Variants in MAPK14 observed in about 807,000 individuals in gnomAD.
MAPK14 encodes the protein mitogen-activated protein kinase 14.
MAPK14 carries 16 observed loss-of-function variants against 49.6 expected under a neutral mutation model. The ratio of observed to expected loss-of-function variants is 0.32; its 90% CI spans 0.22 to 0.49. The LOEUF is 0.49. Among genes scored for constraint, MAPK14 ranks in the 20% least tolerant of loss-of-function variants. The pLI is 0.99. For synonymous variants in MAPK14, 142 were observed against 158.0 expected (o/e 0.90, Z 0.76); for missense variants, 200 against 441.2 (o/e 0.45, Z 4.90).
At chr6:36,065,700 A>G (rs1764026944) in intron 3 of MAPK14, among the ~76,000 whole-genome samples, 1 of 152,120 alleles carries the variant, frequency 6.6e-6, no homozygotes. Context: ...TGGAAAAAGG[A>G]TGAAAGGTTT....
chr6:36,112,469 A>T (rs1765992153), downstream of MAPK14, among the ~76,000 whole-genome samples: 1 of 152,264 alleles, frequency 6.6e-6, no homozygotes. Flanking sequence ...AAGCATGTTC[A>T]TAATTTTAAA....
At chr6:36,088,034 C>T (rs1044354426) in intron 8 of MAPK14, among the ~76,000 whole-genome samples, 18 of 152,152 alleles carry the variant, frequency 1.2e-4, no homozygotes, top group African/African-American at 4.1e-4. Context: ...GGAAAGGATT[C>T]CCTATTTAAT....
chr6:36,084,913 AG>A (rs35206299), intron 8 of MAPK14, among the ~76,000 whole-genome samples: 18 of 150,094 alleles, frequency 1.2e-4, no homozygotes, highest in African/African-American at 4.2e-4. Context: ...AAAAATACTA[AG>A]GGCAGCCAGA....
intron 8 of MAPK14, among the ~76,000 whole-genome samples, chr6:36,095,737 T>A (rs41271265): frequency 0.019 from 2,902 of 152,284 alleles, 52 homozygotes; most frequent in Middle Eastern, 0.085. Flanking sequence ...TGTTGACAGA[T>A]GCATAAAATG....
In MAPK14 at chr6:36,098,999, G is replaced by C. The variant is rs138868159; in HGVS notation, c.762+2933G>C. Among the ~76,000 whole-genome samples, 1,017 of 152,278 alleles carry C rather than the reference G, an allele frequency of 6.7e-3. 8 individuals carry two copies. The highest frequency in any genetic ancestry group is 0.023 in the African/African-American group (963 of 41,536). On this transcript the variant is annotated intron_variant, in intron 9 of 11. Transcript: ENST00000229794. ...GCCTCTGTCTTTGGGCTTAGGGAGC[G>C]TAAAAGGCAGCGTGGAGCACATGGC...
At position 36,027,811 on chromosome 6, in the gene MAPK14, G is replaced by C; in HGVS notation, c.-347G>C. The C allele has an allele frequency of 2.5e-6, 1 of 400,822 alleles. No individual in the cohort carries two copies. Among genetic ancestry groups the C allele is most frequent in the East Asian group, 3.6e-5 (1 of 28,070 alleles). 24.8% of individuals were successfully genotyped at this position (400,822 alleles called of 1,614,324 possible). A position where few individuals can be genotyped will look rare whatever the true frequency, so the allele number is the denominator to read the frequency against. On this transcript the variant is annotated 5_prime_UTR_variant, in exon 1 of 12. Transcript: ENST00000229794. ...GCTGGCTCTTGGAACCGCGACCACT[G>C]GAGCCTTAGCGGGCGCAGCAGCTGG...
chr6:36,065,547 T>TGTGTGTGTGTG (rs1581777404), intron 3 of MAPK14, among the ~76,000 whole-genome samples: 4 of 145,426 alleles, frequency 2.8e-5, no homozygotes, highest in Admixed American at 7.0e-5. Context: ...TGTGTGTGTG[T>TGTGTGTGTGTG]TTGGTGGGAA....
intron 1 of MAPK14, among the ~76,000 whole-genome samples, chr6:36,047,410 A>G (rs979799593): frequency 1.3e-5 from 2 of 152,170 alleles, no homozygotes; most frequent in African/African-American, 4.8e-5. Context: ...GGGAAAGAGT[A>G]GCACAGGAAC....
chr6:36,052,576 C>CT (rs1204967095), intron 1 of MAPK14, 123 bp from the exon 2 acceptor site: 5 of 841,654 alleles, frequency 5.9e-6, no homozygotes, highest in Non-Finnish European at 8.5e-6. Context: ...TGCTTTTTAT[C>CT]TTTATGCTTT....
the MAPK14 span, among the ~76,000 whole-genome samples, chr6:36,120,476 A>G: frequency 6.6e-6 from 1 of 151,796 alleles, no homozygotes; most frequent in South Asian, 2.1e-4. Context: ...AATCTGAGAC[A>G]ATTCATCCAA....
chr6:36,073,314 G>T (rs1764382976), intron 4 of MAPK14, among the ~76,000 whole-genome samples: 1 of 152,150 alleles, frequency 6.6e-6, no homozygotes, highest in East Asian at 1.9e-4. Context: ...ATAATTTATT[G>T]ATGTAATCTA....
chr6:36,036,749 T>C (rs1460462429), intron 1 of MAPK14, among the ~76,000 whole-genome samples: 2 of 152,104 alleles, frequency 1.3e-5, no homozygotes, highest in African/African-American at 4.8e-5. Context: ...ATTTATTTAT[T>C]TATTTTTTCT....
Position 36,111,001 on chromosome 6 carries a change from G to T in MAPK14, c.*2554G>T, listed in dbSNP as rs1156886082. The stretch of plus-strand genomic sequence containing the variant: ...AATGAACGAAGTATTAAGCATTGGG[G>T]CCTGTCTTATCTACACTCGAGTGTA... On this transcript the variant is annotated 3_prime_UTR_variant, in exon 12 of 12. Coordinates refer to ENST00000229794, the MANE Select transcript of MAPK14 (RefSeq NM_139012.3). The T allele has an allele frequency of 6.6e-6, 1 of 152,160 alleles. No individual in the cohort carries two copies. Among genetic ancestry groups the T allele is most frequent in the Non-Finnish European group, 1.5e-5 (1 of 68,024 alleles). The allele number at this position is 152,160 out of a possible 1,614,324, so 9.4% of individuals were successfully genotyped here.
At chr6:36,091,978 C>T (rs1407388077) in intron 8 of MAPK14, 11 of 330,222 alleles carry the variant, frequency 3.3e-5, no homozygotes, top group African/African-American at 1.8e-4. Flanking sequence ...TGGCCAGTGT[C>T]GTCTTTGGCC....
intron 1 of MAPK14, among the ~76,000 whole-genome samples, chr6:36,036,204 C>T (rs1046280334): frequency 4.3e-5 from 6 of 141,158 alleles, no homozygotes; most frequent in South Asian, 2.2e-4. Flanking sequence ...AAGTGGCAAC[C>T]GAGATCGTGC....
intron 8 of MAPK14, among the ~76,000 whole-genome samples, chr6:36,079,573 T>C (rs560770316): frequency 6.6e-6 from 1 of 152,360 alleles, no homozygotes; most frequent in East Asian, 1.9e-4. Flanking sequence ...TCCAAAGCCC[T>C]GGGCCACGTG....
intron 2 of MAPK14, among the ~76,000 whole-genome samples, chr6:36,056,546 G>C (rs1320826994): frequency 6.6e-6 from 1 of 152,202 alleles, no homozygotes; most frequent in Non-Finnish European, 1.5e-5. Context: ...TGATACTGGG[G>C]TTCAAACTTA....
downstream of MAPK14, among the ~76,000 whole-genome samples, chr6:36,112,613 A>G (rs1033671525): frequency 5.3e-5 from 8 of 152,238 alleles, no homozygotes; most frequent in Non-Finnish European, 1.0e-4. Context: ...TGAGGGCTTC[A>G]TCAGTTTTCA....
chr6:36,110,752 C>A lies in MAPK14; in HGVS notation c.*2305C>A, dbSNP rs1190069888. ...ACTGGTTAAAATAAAGCCTATTTTTCAAATTTAGTGAGTTTCTCAAGTTTA... is the reference window on the plus strand; with the variant it reads ...ACTGGTTAAAATAAAGCCTATTTTTAAAATTTAGTGAGTTTCTCAAGTTTA... On this transcript the variant is annotated 3_prime_UTR_variant, in exon 12 of 12. Transcript: ENST00000229794. The A allele has an allele frequency of 6.6e-6, 1 of 152,138 alleles. No individual in the cohort carries two copies. The allele number at this position is 152,138 out of a possible 1,614,324, so 9.4% of individuals were successfully genotyped here. A position where few individuals can be genotyped will look rare whatever the true frequency, so the allele number is the denominator to read the frequency against.
Sources: allele counts gnomAD v4.1 joint callset (sites outside exome capture counted in the v4.1 genomes callset), GRCh38; gene constraint gnomAD v4.1.1; transcripts MANE v1.5; gene names NCBI Gene and HGNC (gene_info 2026-07-23, HGNC 2026-07-21).